C9orf72: variants seen among roughly 807,000 people sequenced by gnomAD.
C9orf72 encodes C9orf72-SMCR8 complex subunit.
Under a neutral mutation model 51.6 loss-of-function variants are expected in C9orf72, and 44 were observed. The ratio of observed to expected loss-of-function variants is 0.85; its 90% CI spans 0.67 to 1.10. C9orf72 has a LOEUF of 1.10. Ranked by LOEUF, C9orf72 falls within the 50% of genes least tolerant of loss-of-function variation. The probability of loss-of-function intolerance (pLI) is 0.00; values close to 1 mark genes in which losing one functional copy is unlikely to be tolerated. For missense variants in C9orf72, 607 were observed against 570.6 expected (o/e 1.06, Z -0.65); for synonymous variants, 213 against 194.2 (o/e 1.10, Z -0.81).
intron 9 of C9orf72, among the ~76,000 whole-genome samples, 161 bp from the exon 10 acceptor site, chr9:27,548,827 T>G (rs1280662751): frequency 6.6e-6 from 1 of 151,604 alleles, no homozygotes; most frequent in African/African-American, 2.4e-5. Context: ...ATAGAAGCAC[T>G]AGGTGTAGGA....
Position 27,562,455 on chromosome 9 carries a change from G to C in C9orf72, c.526C>G (p.Leu176Val), listed in dbSNP as rs765439616. Residue 176 changes from leucine (L) to valine (V), a missense_variant, in exon 4 of 11, where the codon CTT becomes GTT. Physicochemically the swap from Leu to Val is conservative, Grantham distance 32. Transcript: ENST00000380003. Reference sequence around the variant, plus strand: ...ATTACAGGAATCACTTCTCCAGTAAGCATTGGAATAATACTCTGACCCTGC... The same window carrying C: ...ATTACAGGAATCACTTCTCCAGTAACCATTGGAATAATACTCTGACCCTGC... The part of the protein sequence containing the change: ...EDQGQSIIPM[L>V]TGEVIPVMEL... The C allele has an allele frequency of 5.0e-6, 8 of 1,587,134 alleles. No individual in the cohort carries two copies. In the East Asian group the frequency reaches 1.8e-4, roughly 36 times the overall value.
At chr9:27,561,211 A>G (rs1819338945) in intron 5 of C9orf72, 1 of 1,001,296 alleles carries the variant, frequency 1.0e-6, no homozygotes, top group South Asian at 3.6e-5. Flanking sequence ...GGATGGAAAA[A>G]GATCAGTATA....
At chr9:27,566,579 T>C (rs1819470880) in intron 2 of C9orf72, 98 bp downstream of exon 2, 2 of 784,252 alleles carry the variant, frequency 2.6e-6, no homozygotes, top group Admixed American at 5.7e-5. Context: ...TTGTTTGATG[T>C]TCACTGCATA....
At chr9:27,569,575 G>A (rs906437712) in intron 1 of C9orf72, among the ~76,000 whole-genome samples, 2 of 152,114 alleles carry the variant, frequency 1.3e-5, no homozygotes, top group South Asian at 2.1e-4. Context: ...TATACCATAC[G>A]GCCTAGGTAC....
chr9:27,566,933 G>C lies in C9orf72; in HGVS notation c.188C>G (p.Ala63Gly). Residue 63 changes from alanine to glycine, a missense_variant, in exon 2 of 11, where the codon GCC becomes GGC. Coordinates refer to ENST00000380003, the MANE Select transcript of C9orf72 (RefSeq NM_018325.5). ...LLSDGEITFL[A>G]NHTLNGEILR... ...GATTTCTCCATTTAGAGTGTGGTTGGCAAGAAAAGTTATTTCTCCATCACT... is the reference window on the plus strand; with the variant it reads ...GATTTCTCCATTTAGAGTGTGGTTGCCAAGAAAAGTTATTTCTCCATCACT... 1 of 1,614,064 alleles carries C rather than the reference G, an allele frequency of 6.2e-7. No individual in the cohort carries two copies.
intron 1 of C9orf72, 70 bp from the exon 2 acceptor site, chr9:27,567,234 A>G: frequency 1.1e-6 from 1 of 871,898 alleles, no homozygotes. Flanking sequence ...ACCCCAAATG[A>G]TTTAGACATA....
In C9orf72 at chr9:27,566,914, T is replaced by C. The variant is rs775469154; in HGVS notation, c.207A>G (p.Gly69=). The C allele has an allele frequency of 1.2e-6, 2 of 1,613,950 alleles. No individual in the cohort carries two copies. The highest frequency in any genetic ancestry group is 1.1e-5 in the South Asian group (1 of 91,088). The part of the protein sequence containing the change: ...ITFLANHTLN[G]EILRNAESGA... ...CACTCTCTGCATTTCGAAGGATTTCTCCATTTAGAGTGTGGTTGGCAAGAA... is the reference window on the plus strand; with the variant it reads ...CACTCTCTGCATTTCGAAGGATTTCCCCATTTAGAGTGTGGTTGGCAAGAA... The change falls in exon 2 of 11, where the codon GGA becomes GGG. Residue 69 remains glycine, a synonymous_variant. Coordinates refer to ENST00000380003, the MANE Select transcript of C9orf72 (RefSeq NM_018325.5).
chr9:27,569,002 A>G lies in C9orf72; in HGVS notation c.-44-1838T>C, dbSNP rs957900435. Among the ~76,000 whole-genome samples the G allele has an allele frequency of 2.0e-5, 3 of 151,984 alleles. No individual in the cohort carries two copies. The East Asian group carries it at 5.8e-4, about 29-fold the overall frequency. On this transcript the variant is annotated intron_variant, in intron 1 of 10. Transcript: ENST00000380003. ...GGTGGAAGGCAGTGAGGTGGAAGGG[A>G]GTGATACTGATGATCCTAATCCTGT...
chr9:27,561,286 A>C, intron 5 of C9orf72: 1 of 1,147,926 alleles, frequency 8.7e-7, no homozygotes, highest in African/African-American at 1.7e-5. Flanking sequence ...CTTAATATGA[A>C]AGGATTCTGT....
intron 1 of C9orf72, among the ~76,000 whole-genome samples, chr9:27,573,207 T>G (rs1206570548): frequency 1.3e-5 from 2 of 148,706 alleles, no homozygotes; most frequent in African/African-American, 5.2e-5. Flanking sequence ...CCCTTGTCCC[T>G]GCGCCGCCGC....
chr9:27,548,435 G>GGAA lies in C9orf72; in HGVS notation c.1260-14_1260-13insTTC. On this transcript the variant is annotated splice_polypyrimidine_tract_variant and intron_variant, in intron 10 of 10. Transcript: ENST00000380003. ...TTTTCCCTTCTGCCTAAAAATAATG[G>GGAA]AAAAAAAAAAAAAAAAAAAAAAAAA... 6 of 174,268 alleles carry GGAA rather than the reference G, an allele frequency of 3.4e-5. No homozygotes were observed. The highest frequency in any genetic ancestry group is 6.7e-5 in the East Asian group (1 of 14,900). 10.8% of individuals were successfully genotyped at this position (174,268 alleles called of 1,614,324 possible).
chr9:27,548,473 ATTATGATATAGAAAATGTACAAAGGAAAC>A, intron 10 of C9orf72, 51 bp from the exon 11 acceptor site: 1 of 1,400,864 alleles, frequency 7.1e-7, no homozygotes, highest in Non-Finnish European at 9.6e-7. Context: ...AAGCGCAAAA[ATTATGATATAGAAAATGTACAAAGGAAAC>A]AAAACAAAAA....
chr9:27,566,813 C>T lies in C9orf72; in HGVS notation c.308G>A (p.Trp103Ter). The T allele has an allele frequency of 1.2e-6, 2 of 1,613,990 alleles. No homozygotes were observed. The highest frequency in any genetic ancestry group is 8.5e-7 in the Non-Finnish European group (1 of 1,179,922). ...IIVSLIFDGN[W>*]NGDRSTYGLS... is the part of the protein sequence containing the mutation. ...TCCATATGTGCTGCGATCCCCATTC[C>T]AGTTTCCATCAAAGATTAATGAAAC... Residue 103 changes from tryptophan to a stop codon, truncating the protein, a stop_gained, in exon 2 of 11, where the codon TGG becomes TAG. Coordinates refer to ENST00000380003, the MANE Select transcript of C9orf72 (RefSeq NM_018325.5). LOFTEE classifies it high-confidence loss of function.
chr9:27,548,735 AGT>A, intron 9 of C9orf72, 69 bp from the exon 10 acceptor site: 1 of 837,784 alleles, frequency 1.2e-6, no homozygotes, highest in Middle Eastern at 2.2e-4. Flanking sequence ...TTTCTATGAC[AGT>A]GTTGACAGTG....
At chr9:27,563,069 T>G (rs1047915277) in intron 3 of C9orf72, among the ~76,000 whole-genome samples, 2 of 152,084 alleles carry the variant, frequency 1.3e-5, no homozygotes, top group African/African-American at 4.8e-5. Flanking sequence ...TATTTCATAT[T>G]TAAAAATGAG....
rs1052136982 is a variant in C9orf72 at position 27,558,589 on chromosome 9, G to C, written c.757C>G (p.Leu253Val). The change falls in exon 7 of 11, where the codon CTT becomes GTT. Residue 253 changes from leucine (L) to valine (V), a missense_variant. Coordinates refer to ENST00000380003, the MANE Select transcript of C9orf72 (RefSeq NM_018325.5). ...TTTCTCTCTGCTGGAGTCAGAAAAA[G>C]GCATAATGTTCTGACTATCTATAAA... The part of the protein sequence containing the change: ...KVNKIVRTLC[L>V]FLTPAERKCS... 3.1e-6 allele frequency: 5 copies of C among 1,590,050 alleles called. No individual in the cohort carries two copies. Among genetic ancestry groups the C allele is most frequent in the Non-Finnish European group, 4.3e-6 (5 of 1,166,002 alleles).
intron 6 of C9orf72, chr9:27,559,738 C>T (rs1819295511): frequency 6.6e-6 from 1 of 152,016 alleles, no homozygotes; most frequent in Admixed American, 6.6e-5. Context: ...TCAAGTAGCA[C>T]TGAAGGAAAG....
intron 1 of C9orf72, among the ~76,000 whole-genome samples, chr9:27,569,291 C>A (rs1419175315): frequency 6.6e-6 from 1 of 152,118 alleles, no homozygotes; most frequent in Non-Finnish European, 1.5e-5. Flanking sequence ...CTTCAGCGTA[C>A]TGTGTTTATA....
rs141784061 is a variant in C9orf72 at position 27,556,651 on chromosome 9, G to C, written c.1001C>G (p.Ser334Cys). 4 of 1,613,872 alleles carry C rather than the reference G, an allele frequency of 2.5e-6. No homozygotes were observed. Among genetic ancestry groups the C allele is most frequent in the Admixed American group, 1.7e-5 (1 of 59,964 alleles). Reference sequence around the variant, plus strand: ...GGCTCTCCAGAAGGCTGTCAGCTCGGATCTCATGTATCTACGCTGATTATA... The same window carrying C: ...GGCTCTCCAGAAGGCTGTCAGCTCGCATCTCATGTATCTACGCTGATTATA... ...HIYNQRRYMRSELTAFWRATS... is the reference protein window; with the variant it reads ...HIYNQRRYMRCELTAFWRATS... Residue 334 changes from serine to cysteine, a missense_variant, in exon 8 of 11, where the codon TCC becomes TGC. By Grantham distance (112) the Ser-to-Cys change is moderately radical (BLOSUM62 -1). Coordinates refer to ENST00000380003, the MANE Select transcript of C9orf72 (RefSeq NM_018325.5).
Sources: gnomAD v4.1 joint callset for allele counts (sites outside exome capture counted in the v4.1 genomes callset) on GRCh38, gnomAD v4.1.1 for gene constraint, MANE v1.5 for transcripts, NCBI Gene and HGNC (gene_info 2026-07-23, HGNC 2026-07-21) for gene names.